DNAH5: variants seen among roughly 807,000 people sequenced by gnomAD.
DNAH5 encodes the protein dynein axonemal heavy chain 5, also known as axonemal beta dynein heavy chain 5.
Under a neutral mutation model 518.2 loss-of-function variants are expected in DNAH5, and 372 were observed. The observed-to-expected ratio is 0.72, with a 90% CI of 0.66 to 0.78. DNAH5 has a LOEUF of 0.78. Ranked by LOEUF, DNAH5 falls within the 30% of genes least tolerant of loss-of-function variation. The probability of loss-of-function intolerance (pLI) is 0.00; values close to 1 mark genes in which losing one functional copy is unlikely to be tolerated. For synonymous variants in DNAH5, 2,039 were observed against 2,025.9 expected, an observed-to-expected ratio of 1.01 and a Z score of -0.17; for missense variants, 5,523 against 5,687.0, an observed-to-expected ratio of 0.97 and a Z score of 0.93.
At chr5:13,770,059 G>A (rs1432480743) in intron 56 of DNAH5, among the ~76,000 whole-genome samples, 1 of 152,212 alleles carries the variant, frequency 6.6e-6, no homozygotes, top group African/African-American at 2.4e-5. Flanking sequence ...CAGAACAGCT[G>A]TAGGAAGGAA....
intron 19 of DNAH5, 77 bp from the exon 20 acceptor site, chr5:13,883,171 T>G (rs1771919434): frequency 7.6e-6 from 11 of 1,441,764 alleles, no homozygotes; most frequent in Non-Finnish European, 9.6e-6. Flanking sequence ...ACCATAAAAA[T>G]TAAAACAATA....
intron 21 of DNAH5, among the ~76,000 whole-genome samples, chr5:13,878,859 T>G (rs1418726926): frequency 6.6e-6 from 1 of 152,170 alleles, no homozygotes; most frequent in Non-Finnish European, 1.5e-5. Flanking sequence ...TGAAGATAAA[T>G]GCCTGTGCTC....
At chr5:13,819,438 C>A in intron 41 of DNAH5, among the ~76,000 whole-genome samples, 1 of 152,154 alleles carries the variant, frequency 6.6e-6, no homozygotes, top group Non-Finnish European at 1.5e-5. Flanking sequence ...ACAGTAAATA[C>A]TGGCAATCCT....
At chr5:13,860,627 G>A (rs1768276869) in intron 29 of DNAH5, 1 of 152,222 alleles carries the variant, frequency 6.6e-6, no homozygotes, top group African/African-American at 2.4e-5. Context: ...AGATGAGTGA[G>A]CCAGACCAAG....
At chr5:13,918,573 C>T (rs931707101) in intron 7 of DNAH5, among the ~76,000 whole-genome samples, 4 of 152,154 alleles carry the variant, frequency 2.6e-5, no homozygotes, top group Admixed American at 2.6e-4. Flanking sequence ...CGGGTTCAAG[C>T]GATTCTTCTG....
intron 65 of DNAH5, among the ~76,000 whole-genome samples, chr5:13,749,879 A>G (rs967952755): frequency 4.6e-5 from 7 of 152,208 alleles, no homozygotes; most frequent in Non-Finnish European, 1.0e-4. Flanking sequence ...CTAAGCAAGT[A>G]CATATTTTGA....
intron 1 of DNAH5, among the ~76,000 whole-genome samples, chr5:13,992,979 T>C (rs192360002): frequency 1.1e-4 from 17 of 152,306 alleles, no homozygotes; most frequent in African/African-American, 4.1e-4. Flanking sequence ...AAGCTCTTTT[T>C]TGAGAAGTGG....
chr5:13,940,149 T>C (rs935453902), intron 1 of DNAH5, among the ~76,000 whole-genome samples: 3 of 152,180 alleles, frequency 2.0e-5, no homozygotes, highest in Non-Finnish European at 4.4e-5. Context: ...CCAAATCTGC[T>C]GTAGGCATAT....
At chr5:13,848,802 G>A (rs1766415327) in intron 31 of DNAH5, among the ~76,000 whole-genome samples, 1 of 152,200 alleles carries the variant, frequency 6.6e-6, no homozygotes, top group Non-Finnish European at 1.5e-5. Context: ...TATTGCGAGT[G>A]ATGAGGAGCG....
At chr5:13,736,433 C>G (rs1042481050) in intron 66 of DNAH5, among the ~76,000 whole-genome samples, 5 of 152,022 alleles carry the variant, frequency 3.3e-5, no homozygotes, top group African/African-American at 1.2e-4. Context: ...TTGCTCTTGT[C>G]CCCCAGGCTG....
rs749548795 is a variant in DNAH5 at position 13,717,552 on chromosome 5, A to T, written c.12500-32T>A. 5 of 1,532,284 alleles carry T rather than the reference A, an allele frequency of 3.3e-6. No individual in the cohort carries two copies. The South Asian group carries it at 4.5e-5, about 14-fold the overall frequency. 94.9% of individuals were successfully genotyped at this position (1,532,284 alleles called of 1,614,324 possible). ...TGGTCAGTTGGGTGAAAAATGTATC[A>T]TCTCTCAAATGTCTTTATTTTCTAC... On this transcript the variant is annotated intron_variant, in intron 72 of 78. Transcript: ENST00000265104.
intron 28 of DNAH5, among the ~76,000 whole-genome samples, chr5:13,863,384 G>T (rs1366009820): frequency 6.6e-6 from 1 of 151,980 alleles, no homozygotes; most frequent in Admixed American, 6.6e-5. Context: ...AACACAGTCT[G>T]TGAAATATCA....
chr5:13,753,461 C>T lies in DNAH5; in HGVS notation c.10644G>A (p.Lys3548=), dbSNP rs2126701753. 8 of 1,613,992 alleles carry T rather than the reference C, an allele frequency of 5.0e-6. No homozygotes were observed. The highest frequency in any genetic ancestry group is 6.8e-6 in the Non-Finnish European group (8 of 1,179,916). ...ATGGAATTTTCCGGGCTTTCATTTCCTTCCGCCAGTCATTTAACAGAAGAT... is the reference window on the plus strand; with the variant it reads ...ATGGAATTTTCCGGGCTTTCATTTCTTTCCGCCAGTCATTTAACAGAAGAT... The part of the protein sequence containing the change: ...FRDLLLNDWR[K]EMKARKIPFG... The change falls in exon 63 of 79, where the codon AAG becomes AAA. Residue 3548 remains lysine, a synonymous_variant. Coordinates refer to ENST00000265104, the MANE Select transcript of DNAH5 (RefSeq NM_001369.3).
intron 1 of DNAH5, among the ~76,000 whole-genome samples, chr5:14,002,880 A>G (rs1019482399): frequency 6.6e-6 from 1 of 152,008 alleles, no homozygotes; most frequent in Non-Finnish European, 1.5e-5. Flanking sequence ...TTTGGCAGAA[A>G]TCAAAGAACA....
intron 68 of DNAH5, among the ~76,000 whole-genome samples, chr5:13,732,401 C>T (rs888145501): frequency 1.3e-5 from 2 of 152,092 alleles, no homozygotes; most frequent in South Asian, 2.1e-4. Context: ...GAGTCTTGCT[C>T]TGTCACCCAG....
chr5:13,777,147 T>C (rs1272736728), intron 54 of DNAH5, 55 bp downstream of exon 54: 3 of 1,550,374 alleles, frequency 1.9e-6, no homozygotes, highest in Non-Finnish European at 1.8e-6. Flanking sequence ...TGTAGAGCTC[T>C]AAGCTGGAGG....
chr5:13,724,181 C>T (rs1385333517), intron 70 of DNAH5, among the ~76,000 whole-genome samples: 3 of 152,254 alleles, frequency 2.0e-5, no homozygotes, highest in Non-Finnish European at 2.9e-5. Context: ...AGGCATTACT[C>T]GGTCTCCCCA....
intron 61 of DNAH5, among the ~76,000 whole-genome samples, chr5:13,757,459 T>C (rs1346554564): frequency 6.6e-6 from 1 of 152,246 alleles, no homozygotes; most frequent in East Asian, 1.9e-4. Flanking sequence ...TGATCAGTGA[T>C]ACTGAGCTTG....
At chr5:13,808,904 G>A (rs1357161728) in intron 46 of DNAH5, 140 bp downstream of exon 46, 12 of 948,324 alleles carry the variant, frequency 1.3e-5, no homozygotes, top group Admixed American at 4.1e-5. Context: ...AGCCTGCAGT[G>A]AGCCGAGATC....
Sources: allele counts gnomAD v4.1 joint callset (sites outside exome capture counted in the v4.1 genomes callset), GRCh38; gene constraint gnomAD v4.1.1; transcripts MANE v1.5; gene names NCBI Gene and HGNC (gene_info 2026-07-23, HGNC 2026-07-21).